Variants in LEKR1 observed in about 807,000 individuals in gnomAD.
The protein encoded by LEKR1 is protein LEKR1.
LEKR1 carries 59 observed loss-of-function variants against 72.4 expected under a neutral mutation model. The ratio of observed to expected loss-of-function variants is 0.82; its 90% CI spans 0.66 to 1.01. The LOEUF (loss-of-function observed/expected upper bound fraction) is 1.01. Among genes scored for constraint, LEKR1 ranks in the 50% least tolerant of loss-of-function variants. LEKR1 has a pLI of 0.00. For synonymous variants in LEKR1, 257 were observed against 263.2 expected (o/e 0.98, Z 0.23); for missense variants, 728 against 759.2 (o/e 0.96, Z 0.48).
intron 10 of LEKR1, among the ~76,000 whole-genome samples, chr3:157,019,996 A>G (rs1400778261): frequency 6.6e-6 from 1 of 152,184 alleles, no homozygotes; most frequent in Non-Finnish European, 1.5e-5. Flanking sequence ...TGTGCAAATT[A>G]AAAACAAAGC....
intron 3 of LEKR1, among the ~76,000 whole-genome samples, chr3:156,874,246 T>C (rs1295691584): frequency 6.6e-6 from 1 of 152,162 alleles, no homozygotes; most frequent in Non-Finnish European, 1.5e-5. Flanking sequence ...AAAATTGTAA[T>C]TTGTATCTCA....
chr3:156,963,651 A>G (rs2107985592), intron 6 of LEKR1, among the ~76,000 whole-genome samples: 1 of 152,256 alleles, frequency 6.6e-6, no homozygotes, highest in Admixed American at 6.5e-5. Flanking sequence ...TCTAAATAGC[A>G]GCTGACATTC....
intron 9 of LEKR1, among the ~76,000 whole-genome samples, chr3:156,997,181 G>A (rs956405346): frequency 6.6e-6 from 1 of 151,990 alleles, no homozygotes; most frequent in Non-Finnish European, 1.5e-5. Flanking sequence ...CTGTTATTCG[G>A]TCTCTTTTCT....
At chr3:156,974,701 CA>C (rs1370369748) in intron 6 of LEKR1, among the ~76,000 whole-genome samples, 2 of 151,856 alleles carry the variant, frequency 1.3e-5, no homozygotes, top group African/African-American at 4.9e-5. Flanking sequence ...TGACCCGTGC[CA>C]GCAACGCCCC....
At chr3:156,997,896 G>T (rs1731706034) in intron 9 of LEKR1, among the ~76,000 whole-genome samples, 1 of 152,206 alleles carries the variant, frequency 6.6e-6, no homozygotes, top group South Asian at 2.1e-4. Context: ...CCCACACTCA[G>T]CTGAGGAAGT....
intron 3 of LEKR1, among the ~76,000 whole-genome samples, chr3:156,897,829 T>C (rs1298484023): frequency 6.6e-6 from 1 of 152,122 alleles, no homozygotes; most frequent in East Asian, 1.9e-4. Context: ...GGCAGGTGCC[T>C]GTAATTCCAG....
At chr3:157,001,941 A>T (rs1463513291) in intron 9 of LEKR1, among the ~76,000 whole-genome samples, 1 of 152,156 alleles carries the variant, frequency 6.6e-6, no homozygotes, top group African/African-American at 2.4e-5. Context: ...GCATGCATGG[A>T]TGGGAATGAA....
rs1491178664 is a variant in LEKR1 at position 157,032,099 on chromosome 3, GAA to G, written c.1668+3699_1668+3700del. ...AGAGAGTGAGAGAGAGAGAGAGAGA[GAA>G]AGTTAATATGTTAGAGAATAACACT... On this transcript the variant is annotated intron_variant, in intron 12 of 12. Coordinates refer to ENST00000356539, the MANE Select transcript of LEKR1 (RefSeq NM_001004316.3). 1.5e-4 allele frequency among the ~76,000 whole-genome samples: 23 copies of G among 151,972 alleles called. No homozygotes were observed. The South Asian group carries it at 4.6e-3, about 30-fold the overall frequency.
intron 6 of LEKR1, among the ~76,000 whole-genome samples, chr3:156,973,188 T>G (rs757914932): frequency 1.1e-4 from 17 of 152,126 alleles, no homozygotes; most frequent in Admixed American, 7.2e-4. Context: ...ATTCTTTCAG[T>G]GATTATTTTT....
intron 10 of LEKR1, among the ~76,000 whole-genome samples, chr3:157,022,914 C>T (rs1040328696): frequency 6.6e-6 from 1 of 152,178 alleles, no homozygotes; most frequent in African/African-American, 2.4e-5. Context: ...TCTTTGCATT[C>T]AGTACTGTAT....
chr3:157,027,211 G>A (rs554505353), intron 11 of LEKR1, among the ~76,000 whole-genome samples: 1 of 150,542 alleles, frequency 6.6e-6, no homozygotes, highest in Admixed American at 6.6e-5. Flanking sequence ...AGAGTCAGTT[G>A]TTAAACATTT....
Position 157,044,056 on chromosome 3 carries a change from C to T in LEKR1, c.1669-1284C>T, listed in dbSNP as rs184798215. Among the ~76,000 whole-genome samples, 7 of 152,334 alleles carry T rather than the reference C, an allele frequency of 4.6e-5. No individual in the cohort carries two copies. The East Asian group carries it at 1.3e-3, about 29-fold the overall frequency. ...GAAACTCAAAAACAGGAAGATACTA[C>T]TGTCCCTGGTGCTTTGTTATTTAGT... On this transcript the variant is annotated intron_variant, in intron 12 of 12. Transcript: ENST00000356539.
intron 6 of LEKR1, among the ~76,000 whole-genome samples, chr3:156,960,087 A>G (rs1408070005): frequency 6.6e-6 from 1 of 152,190 alleles, no homozygotes; most frequent in African/African-American, 2.4e-5. Context: ...ACACCTAGGC[A>G]ATGAATGGAT....
At chr3:157,021,871 T>A (rs907087915) in intron 10 of LEKR1, among the ~76,000 whole-genome samples, 3 of 152,100 alleles carry the variant, frequency 2.0e-5, no homozygotes, top group Non-Finnish European at 4.4e-5. Context: ...GACTATTAAT[T>A]ATTAATAATT....
At chr3:156,912,784 C>T (rs6807765) in intron 3 of LEKR1, among the ~76,000 whole-genome samples, 6,879 of 152,244 alleles carry the variant, frequency 0.045, 554 homozygotes, top group African/African-American at 0.16. Flanking sequence ...TGGGAATGTG[C>T]GCAAGGCTCT....
intron 12 of LEKR1, among the ~76,000 whole-genome samples, chr3:157,039,162 T>G (rs939423080): frequency 1.3e-5 from 2 of 152,318 alleles, no homozygotes; most frequent in East Asian, 3.9e-4. Flanking sequence ...CTATTAACAG[T>G]GGTTACCTTA....
intron 3 of LEKR1, among the ~76,000 whole-genome samples, chr3:156,906,890 A>G (rs1722582920): frequency 6.6e-6 from 1 of 152,186 alleles, no homozygotes; most frequent in Non-Finnish European, 1.5e-5. Flanking sequence ...TTTTATAAAA[A>G]TGGACTGAGA....
chr3:156,842,953 CTT>C (rs1171465760), intron 2 of LEKR1, among the ~76,000 whole-genome samples: 1 of 152,122 alleles, frequency 6.6e-6, no homozygotes, highest in Non-Finnish European at 1.5e-5. Context: ...CATTTGGCTC[CTT>C]TTTCTACTGC....
intron 10 of LEKR1, among the ~76,000 whole-genome samples, chr3:157,020,915 T>C (rs1041767927): frequency 1.3e-5 from 2 of 151,032 alleles, no homozygotes; most frequent in Non-Finnish European, 3.0e-5. Flanking sequence ...AGGGTTCCTA[T>C]TTCTCCACAT....
Sources: gnomAD v4.1 joint callset for allele counts (sites outside exome capture counted in the v4.1 genomes callset) on GRCh38, gnomAD v4.1.1 for gene constraint, MANE v1.5 for transcripts, NCBI Gene and HGNC (gene_info 2026-07-23, HGNC 2026-07-21) for gene names.